Variants in SH3RF3 observed in about 807,000 individuals in gnomAD.
SH3RF3 encodes the protein E3 ubiquitin-protein ligase SH3RF3.
A neutral mutation model predicts 66.3 loss-of-function variants in SH3RF3; 29 were observed. The observed-to-expected ratio is 0.44, with a 90% CI of 0.33 to 0.60. The LOEUF (loss-of-function observed/expected upper bound fraction) is 0.60. Ranked by LOEUF, SH3RF3 falls within the 20% of genes least tolerant of loss-of-function variation. The probability of loss-of-function intolerance (pLI) is 0.04; values close to 1 mark genes in which losing one functional copy is unlikely to be tolerated. For missense variants in SH3RF3, 1,194 were observed against 1,190.9 expected (o/e 1.00, Z -0.04); for synonymous variants, 583 against 532.0 (o/e 1.10, Z -1.32).
chr2:109,335,709 C>T (rs1682398065), intron 1 of SH3RF3, among the ~76,000 whole-genome samples: 1 of 152,192 alleles, frequency 6.6e-6, no homozygotes, highest in Non-Finnish European at 1.5e-5. Flanking sequence ...GTTTTGTTCA[C>T]TCCCAAACCC....
At chr2:109,189,815 GGTC>G (rs2105017497) in intron 1 of SH3RF3, among the ~76,000 whole-genome samples, 1 of 152,292 alleles carries the variant, frequency 6.6e-6, no homozygotes, top group Non-Finnish European at 1.5e-5. Context: ...TCTCAACACT[GGTC>G]AGAGTTCTCA....
chr2:109,380,082 G>A (rs1350042448), intron 3 of SH3RF3, among the ~76,000 whole-genome samples: 2 of 152,058 alleles, frequency 1.3e-5, no homozygotes, highest in Admixed American at 1.3e-4. Flanking sequence ...TCATGGTTGG[G>A]GTCTGTACAT....
intron 1 of SH3RF3, among the ~76,000 whole-genome samples, chr2:109,227,305 A>G (rs1449300632): frequency 6.6e-6 from 1 of 152,210 alleles, no homozygotes; most frequent in Non-Finnish European, 1.5e-5. Context: ...TCAGGCACAC[A>G]AAGCTACACG....
rs753080009 is a variant in SH3RF3, at chr2:109,398,925, G to A, written c.1281G>A (p.Ser427=). The A allele has an allele frequency of 2.3e-5, 37 of 1,612,170 alleles. No homozygotes were observed. Among genetic ancestry groups the A allele is most frequent in the Non-Finnish European group, 3.0e-5 (35 of 1,179,712 alleles). The change falls in exon 4 of 10, where the codon TCG becomes TCA. Residue 427 remains serine, a synonymous_variant. Coordinates refer to ENST00000309415, the MANE Select transcript of SH3RF3 (RefSeq NM_001099289.3). ...GGATTGGAGACCTTGCTCATCTGTC[G>A]TGCGCTGCTCCCACCCAGGTAACAT... ...AARIGDLAHL[S]CAAPTQDVSS...
intron 4 of SH3RF3, among the ~76,000 whole-genome samples, chr2:109,399,654 T>A (rs1360956526): frequency 3.9e-5 from 6 of 152,180 alleles, no homozygotes; most frequent in Admixed American, 6.5e-5. Context: ...ATTAAAAAAA[T>A]TTTTAAATAA....
chr2:109,239,448 C>T (rs551300778), intron 1 of SH3RF3, among the ~76,000 whole-genome samples: 1 of 152,312 alleles, frequency 6.6e-6, no homozygotes, highest in Non-Finnish European at 1.5e-5. Flanking sequence ...TTCCCTGCTC[C>T]TTGCCTCCAA....
At chr2:109,150,018 G>T (rs548317708) in intron 1 of SH3RF3, among the ~76,000 whole-genome samples, 48 of 152,316 alleles carry the variant, frequency 3.2e-4, no homozygotes, top group Non-Finnish European at 6.0e-4. Context: ...TCTCAGCCCA[G>T]GGCCCTGTGA....
At chr2:109,409,829 G>T (rs1313902406) in intron 4 of SH3RF3, among the ~76,000 whole-genome samples, 1 of 152,102 alleles carries the variant, frequency 6.6e-6, no homozygotes, top group Non-Finnish European at 1.5e-5. Context: ...GTTCATGAGG[G>T]TCTGATTTAC....
rs189295191 is a variant in SH3RF3, at chr2:109,416,608, C to T, written c.1300-2931C>T. Among the ~76,000 whole-genome samples, 177 of 151,968 alleles carry T rather than the reference C, an allele frequency of 1.2e-3. 1 individual carries two copies. Among genetic ancestry groups the T allele is most frequent in the African/African-American group, 3.9e-3 (163 of 41,484 alleles). On this transcript the variant is annotated intron_variant, in intron 4 of 9. Transcript: ENST00000309415. ...CCATATTGACCAGGCTGGTCTCAAACTCCTGACCACATGATCTGCCCGCCT... is the reference window on the plus strand; with the variant it reads ...CCATATTGACCAGGCTGGTCTCAAATTCCTGACCACATGATCTGCCCGCCT...
chr2:109,259,994 C>T (rs1176680498), intron 1 of SH3RF3, among the ~76,000 whole-genome samples: 1 of 152,158 alleles, frequency 6.6e-6, no homozygotes, highest in African/African-American at 2.4e-5. Flanking sequence ...CTCTTTTCTT[C>T]TCCGGCCAGA....
At chr2:109,151,487 C>T (rs996398184) in intron 1 of SH3RF3, among the ~76,000 whole-genome samples, 2 of 152,184 alleles carry the variant, frequency 1.3e-5, no homozygotes, top group African/African-American at 2.4e-5. Flanking sequence ...TTTCTGGTAG[C>T]CACGTCACAA....
chr2:109,313,065 A>G (rs1681772112), intron 1 of SH3RF3, among the ~76,000 whole-genome samples: 1 of 152,218 alleles, frequency 6.6e-6, no homozygotes, highest in South Asian at 2.1e-4. Context: ...CAGGGAACCC[A>G]TGCAATCCAC....
At chr2:109,251,036 C>T (rs1269277783) in intron 1 of SH3RF3, among the ~76,000 whole-genome samples, 1 of 151,894 alleles carries the variant, frequency 6.6e-6, no homozygotes, top group African/African-American at 2.4e-5. Context: ...GAGTCTCACT[C>T]TGTCGCCCAG....
intron 1 of SH3RF3, among the ~76,000 whole-genome samples, chr2:109,326,793 A>G (rs1279774572): frequency 6.6e-6 from 1 of 152,126 alleles, no homozygotes; most frequent in East Asian, 1.9e-4. Flanking sequence ...CTTCCCAATA[A>G]AGTAGGTTTT....
chr2:109,159,347 C>A (rs1331195108), intron 1 of SH3RF3, among the ~76,000 whole-genome samples: 1 of 152,220 alleles, frequency 6.6e-6, no homozygotes, highest in African/African-American at 2.4e-5. Flanking sequence ...GCCTGCCCTG[C>A]CCAGCCCCAG....
At chr2:109,432,857 C>T (rs1172317068) in intron 6 of SH3RF3, among the ~76,000 whole-genome samples, 186 bp downstream of exon 6, 1 of 152,260 alleles carries the variant, frequency 6.6e-6, no homozygotes, top group African/African-American at 2.4e-5. Flanking sequence ...TGGGTTTGCA[C>T]TCAACTCCTT....
intron 4 of SH3RF3, among the ~76,000 whole-genome samples, chr2:109,404,739 C>T (rs1373467473): frequency 2.0e-5 from 3 of 152,154 alleles, no homozygotes; most frequent in East Asian, 3.9e-4. Flanking sequence ...CCTACTGCTT[C>T]CTCTTTCCCA....
intron 3 of SH3RF3, among the ~76,000 whole-genome samples, chr2:109,388,714 A>T (rs1675897101): frequency 6.6e-6 from 1 of 152,156 alleles, no homozygotes; most frequent in Non-Finnish European, 1.5e-5. Context: ...GTGAAATGAG[A>T]CCCCTGCAAG....
chr2:109,397,550 T>C (rs1676183265), intron 3 of SH3RF3, among the ~76,000 whole-genome samples: 1 of 152,172 alleles, frequency 6.6e-6, no homozygotes, highest in Non-Finnish European at 1.5e-5. Context: ...AGGGGCTCCA[T>C]TGGGCACCCA....
Sources: gnomAD v4.1 joint callset for allele counts (sites outside exome capture counted in the v4.1 genomes callset) on GRCh38, gnomAD v4.1.1 for gene constraint, MANE v1.5 for transcripts, NCBI Gene and HGNC (gene_info 2026-07-23, HGNC 2026-07-21) for gene names.